PRP4K: variants seen among roughly 807,000 people sequenced by gnomAD.
PRP4K encodes serine/threonine-protein kinase PRP4 homolog.
At chr6:4,022,053 C>T in the PRP4K span, among the ~76,000 whole-genome samples, 2 of 151,830 alleles carry the variant, frequency 1.3e-5, no homozygotes, top group African/African-American at 4.8e-5. Context: ...AGCAGTCACC[C>T]AGTATTGTTT....
chr6:4,026,683 AGATAGAGCAGT>A, the PRP4K span, among the ~76,000 whole-genome samples: 2 of 152,222 alleles, frequency 1.3e-5, no homozygotes, highest in Non-Finnish European at 2.9e-5. Flanking sequence ...AGGCCCTCAG[AGATAGAGCAGT>A]GAACTAAAAT....
At chr6:4,048,830 A>G in the PRP4K span, among the ~76,000 whole-genome samples, 1 of 151,222 alleles carries the variant, frequency 6.6e-6, no homozygotes, top group African/African-American at 2.4e-5. Context: ...GTTATTTTGA[A>G]TCAAGATACT....
At chr6:4,038,948 G>GT in the PRP4K span, among the ~76,000 whole-genome samples, 1 of 117,392 alleles carries the variant, frequency 8.5e-6, no homozygotes, top group Non-Finnish European at 1.8e-5. Flanking sequence ...CTTTCTTTCT[G>GT]TTTTTTCCAA....
the PRP4K span, among the ~76,000 whole-genome samples, chr6:4,027,613 T>G: frequency 0.23 from 8,142 of 36,028 alleles, 79 homozygotes; most frequent in Admixed American, 0.26. Context: ...GGGGGTGGGG[T>G]GGGGGTTGGT....
chr6:4,032,701 G>C, the PRP4K span: 2 of 1,597,028 alleles, frequency 1.3e-6, no homozygotes, highest in South Asian at 1.2e-5. Flanking sequence ...GCCAAGAGCC[G>C]ATCCTTAGAA....
chr6:4,043,712 A>G, the PRP4K span: 4 of 1,052,326 alleles, frequency 3.8e-6, no homozygotes, highest in South Asian at 5.9e-5. Context: ...ACATTATTTG[A>G]TACGTTCTCT....
chr6:4,040,260 A>G, the PRP4K span, among the ~76,000 whole-genome samples: 14 of 151,974 alleles, frequency 9.2e-5, no homozygotes, highest in Non-Finnish European at 1.8e-4. Context: ...AAACATGCAT[A>G]TAACTTACAT....
At chr6:4,027,452 G>A in the PRP4K span, among the ~76,000 whole-genome samples, 4 of 152,216 alleles carry the variant, frequency 2.6e-5, no homozygotes, top group East Asian at 7.7e-4. Context: ...ATTTAAACCA[G>A]GTAGTTTGAC....
chr6:4,035,366 C>G, the PRP4K span, among the ~76,000 whole-genome samples: 1 of 134,574 alleles, frequency 7.4e-6, no homozygotes, highest in Non-Finnish European at 1.5e-5. Flanking sequence ...AGGCTGGTCT[C>G]GAACTCTTGA....
chr6:4,029,848 A>G, the PRP4K span, among the ~76,000 whole-genome samples: 2 of 151,112 alleles, frequency 1.3e-5, no homozygotes, highest in Non-Finnish European at 2.9e-5. Flanking sequence ...CTTCTCCAGT[A>G]TTTTATGGTT....
chr6:4,046,689 A>C, the PRP4K span, among the ~76,000 whole-genome samples: 3 of 149,550 alleles, frequency 2.0e-5, no homozygotes, highest in Non-Finnish European at 3.0e-5. Flanking sequence ...GCCAGAGTCC[A>C]ATTCTGTCGC....
At chr6:4,061,463 TGCGTA>T in the PRP4K span, 1 of 152,690 alleles carries the variant, frequency 6.5e-6, no homozygotes, top group South Asian at 2.1e-4. Context: ...ATAGAAACGA[TGCGTA>T]GTTTTCATTT....
At chr6:4,047,804 A>C in the PRP4K span, among the ~76,000 whole-genome samples, 1 of 152,100 alleles carries the variant, frequency 6.6e-6, no homozygotes, top group South Asian at 2.1e-4. Flanking sequence ...TAAATTTCAA[A>C]GGACATGAGA....
At chr6:4,029,656 C>T in the PRP4K span, among the ~76,000 whole-genome samples, 1 of 151,778 alleles carries the variant, frequency 6.6e-6, no homozygotes, top group South Asian at 2.1e-4. Flanking sequence ...CCTGGGCCAA[C>T]CTTTATTTTT....
At chr6:4,040,354 C>T in the PRP4K span, among the ~76,000 whole-genome samples, 1 of 152,202 alleles carries the variant, frequency 6.6e-6, no homozygotes, top group African/African-American at 2.4e-5. Flanking sequence ...GTTTTCATCA[C>T]TCCAAGTTCC....
At chr6:4,056,317 G>A in the PRP4K span, 3 of 1,596,744 alleles carry the variant, frequency 1.9e-6, no homozygotes, top group Middle Eastern at 3.3e-4. Flanking sequence ...AAAATGTTTT[G>A]CAGGTTAATG....
chr6:4,028,962 C>T, the PRP4K span, among the ~76,000 whole-genome samples: 1 of 149,566 alleles, frequency 6.7e-6, no homozygotes, highest in Admixed American at 6.7e-5. Flanking sequence ...CTACCCACTC[C>T]TAGAACCATA....
the PRP4K span, among the ~76,000 whole-genome samples, chr6:4,052,399 A>G: frequency 1.9e-4 from 29 of 152,192 alleles, no homozygotes; most frequent in African/African-American, 7.0e-4. Flanking sequence ...CAAGGAAGGA[A>G]TTTTTATCTT....
At chr6:4,034,558 G>A in the PRP4K span, among the ~76,000 whole-genome samples, 1 of 151,940 alleles carries the variant, frequency 6.6e-6, no homozygotes, top group Admixed American at 6.5e-5. Context: ...AACTGTATTA[G>A]GAAAGTTTAG....
Sources: gnomAD v4.1 joint callset for allele counts (sites outside exome capture counted in the v4.1 genomes callset) on GRCh38, gnomAD v4.1.1 for gene constraint, MANE v1.5 for transcripts, NCBI Gene and HGNC (gene_info 2026-07-23, HGNC 2026-07-21) for gene names.